CLN6: variants seen among roughly 807,000 people sequenced by gnomAD.
The protein encoded by CLN6 is CLN6 transmembrane ER protein, also known as ceroid-lipofuscinosis neuronal protein 6.
CLN6 carries 22 observed loss-of-function variants against 33.3 expected under a neutral mutation model. The ratio of observed to expected loss-of-function variants is 0.66; its 90% CI spans 0.47 to 0.94. CLN6 has a LOEUF of 0.94. Ranked by LOEUF, CLN6 falls within the 40% of genes least tolerant of loss-of-function variation. CLN6 has a pLI of 0.00. For missense variants in CLN6, 387 were observed against 417.1 expected (o/e 0.93, Z 0.63); for synonymous variants, 201 against 174.6 (o/e 1.15, Z -1.19).
Position 68,256,562 on chromosome 15 carries a change from ACT to A in CLN6, c.179+126_179+127del. ...GTATCACAGTATTTGTTATTACAAT[ACT>A]CTCTTTGGGATCCCCACACACGTGG... is the stretch of plus-strand genomic sequence containing the variant. On this transcript the variant is annotated intron_variant, in intron 1 of 6. Transcript: ENST00000538696. The surrounding 1 kb of genome is among the most constrained non-coding windows in gnomAD (Gnocchi z 4.1). 1 of 529,358 alleles carries A rather than the reference ACT, an allele frequency of 1.9e-6. No individual in the cohort carries two copies. Among genetic ancestry groups the A allele is most frequent in the East Asian group, 3.0e-5 (1 of 33,872 alleles). The allele number at this position is 529,358 out of a possible 1,614,324, so 32.8% of individuals were successfully genotyped here. A position where few individuals can be genotyped will look rare whatever the true frequency, so the allele number is the denominator to read the frequency against.
At position 68,219,536 on chromosome 15, in the gene CLN6, C is replaced by G. The variant is rs748420848; in HGVS notation, c.84-886G>C. ...TAAACAGTTGGTCATCTGCTGTTCA[C>G]AGATGCACTGAAGTTCCAGGACCAG... On this transcript the variant is annotated intron_variant, in intron 1 of 6. Coordinates refer to ENST00000249806, the MANE Select transcript of CLN6 (RefSeq NM_017882.3). The surrounding 1 kb of genome is among the most constrained non-coding windows in gnomAD (Gnocchi z 4.2). Among the ~76,000 whole-genome samples the G allele has an allele frequency of 6.6e-6, 1 of 152,196 alleles. No homozygotes were observed. Among genetic ancestry groups the G allele is most frequent in the Non-Finnish European group, 1.5e-5 (1 of 68,044 alleles).
rs1892442785 is a variant in CLN6, at chr15:68,256,831, CCT to C, written c.36_37del (p.Gly13GlnfsTer12). ...TCCCAGTGTCTCTGGCCGGGGCCTGCCTCTCGCTCGCCGCTCCTTCCCGGCAA... is the reference window on the plus strand; with the variant it reads ...TCCCAGTGTCTCTGGCCGGGGCCTGCCTCGCTCGCCGCTCCTTCCCGGCAA... On this transcript the variant is annotated frameshift_variant, in exon 1 of 7. Transcript: ENST00000538696. LOFTEE classifies it high-confidence loss of function. This position sits in a 1 kb window ranked among gnomAD's most constrained non-coding sequence, Gnocchi z 4.1. 1 of 700,652 alleles carries C rather than the reference CCT, an allele frequency of 1.4e-6. No homozygotes were observed. Among genetic ancestry groups the C allele is most frequent in the Non-Finnish European group, 2.6e-6 (1 of 383,788 alleles). The allele number at this position is 700,652 out of a possible 1,614,324, so 43.4% of individuals were successfully genotyped here.
chr15:68,208,553 T>C lies in CLN6; in HGVS notation c.666-143A>G. 1.2e-6 allele frequency: 1 copy of C among 813,968 alleles called. No individual in the cohort carries two copies. The highest frequency in any genetic ancestry group is 2.0e-6 in the Non-Finnish European group (1 of 498,780). The allele number at this position is 813,968 out of a possible 1,614,324, so 50.4% of individuals were successfully genotyped here. On this transcript the variant is annotated intron_variant, in intron 6 of 6. Coordinates refer to ENST00000249806, the MANE Select transcript of CLN6 (RefSeq NM_017882.3). The surrounding 1 kb of genome is among the most constrained non-coding windows in gnomAD (Gnocchi z 5.8). ...CAGGGCTCAGAGAACTATGCCGCTC[T>C]AAGCCACAGCCCATGGGCAGCATAT...
At chr15:68,213,551 T>TA (rs1217957984) in intron 3 of CLN6, 1 of 151,564 alleles carries the variant, frequency 6.6e-6, no homozygotes, top group Non-Finnish European at 1.5e-5. Flanking sequence ...CAATTTTTTC[T>TA]ATTTTTAATG....
In CLN6 at chr15:68,229,208, G is replaced by A. The variant is rs142865838; in HGVS notation, c.83+294C>T. Among the ~76,000 whole-genome samples, 88 of 152,302 alleles carry A rather than the reference G, an allele frequency of 5.8e-4. 2 individuals carry two copies. The East Asian group carries it at 0.013, about 22-fold the overall frequency. ...TGTCCCGGCGCCAGCCCGGGTCGCTGGAACGCGGGAAGGGAGGAAAACCCC... is the reference window on the plus strand; with the variant it reads ...TGTCCCGGCGCCAGCCCGGGTCGCTAGAACGCGGGAAGGGAGGAAAACCCC... On this transcript the variant is annotated intron_variant, in intron 1 of 6. Transcript: ENST00000249806.
At chr15:68,226,774 T>C (rs561274548) in intron 1 of CLN6, among the ~76,000 whole-genome samples, 5 of 152,056 alleles carry the variant, frequency 3.3e-5, no homozygotes, top group African/African-American at 1.2e-4. Flanking sequence ...CAGTAGATCG[T>C]ATCTCAAGGG....
In CLN6 at chr15:68,208,461, C is replaced by T; in HGVS notation, c.666-51G>A. 1 of 1,604,784 alleles carries T rather than the reference C, an allele frequency of 6.2e-7. No individual in the cohort carries two copies. The highest frequency in any genetic ancestry group is 8.5e-7 in the Non-Finnish European group (1 of 1,176,196). On this transcript the variant is annotated intron_variant, in intron 6 of 6. Coordinates refer to ENST00000249806, the MANE Select transcript of CLN6 (RefSeq NM_017882.3). This position sits in a 1 kb window ranked among gnomAD's most constrained non-coding sequence, Gnocchi z 5.8. ...CAGCTGCCGTGGCAACCCCGTCCTG[C>T]CTGGCATCCCTTCCTGTGTGCGAGA... is the stretch of plus-strand genomic sequence containing the variant.
rs980908612 is a variant in CLN6, at chr15:68,228,298, A to T, written c.83+1204T>A. On this transcript the variant is annotated intron_variant, in intron 1 of 6. Transcript: ENST00000249806. This position sits in a 1 kb window ranked among gnomAD's most constrained non-coding sequence, Gnocchi z 4.4. Reference sequence around the variant, plus strand: ...AGGTCGTACCAAAAACTTCCTAACAAGGACTTTGCGCATGCTAGTGCTCAG... The same window carrying T: ...AGGTCGTACCAAAAACTTCCTAACATGGACTTTGCGCATGCTAGTGCTCAG... 2.0e-5 allele frequency among the ~76,000 whole-genome samples: 3 copies of T among 152,104 alleles called. No individual in the cohort carries two copies. The highest frequency in any genetic ancestry group is 4.4e-5 in the Non-Finnish European group (3 of 68,022).
chr15:68,245,683 T>G (rs1367472060), intron 1 of CLN6, among the ~76,000 whole-genome samples: 1 of 152,150 alleles, frequency 6.6e-6, no homozygotes, highest in Non-Finnish European at 1.5e-5. Flanking sequence ...ATGTTATTAT[T>G]AAGTTTAATT....
upstream of CLN6, among the ~76,000 whole-genome samples, chr15:68,233,301 G>A (rs193000412): frequency 1.8e-4 from 28 of 151,596 alleles, no homozygotes; most frequent in East Asian, 3.9e-3. The surrounding 1 kb of genome is among the most constrained non-coding windows in gnomAD (Gnocchi z 4.3). Context: ...AAACACCTAC[G>A]GGGGGGTGGG....
rs181778963 is a variant in CLN6 at position 68,227,496 on chromosome 15, C to T, written c.83+2006G>A. ...GGATGATTCTGCCTACTCTCTTGAG[C>T]AGCAATGATACTGGGAATGGGCTGA... is the stretch of plus-strand genomic sequence containing the variant. On this transcript the variant is annotated intron_variant, in intron 1 of 6. Transcript: ENST00000249806. The surrounding 1 kb of genome is among the most constrained non-coding windows in gnomAD (Gnocchi z 4.1). Among the ~76,000 whole-genome samples the T allele has an allele frequency of 2.0e-5, 3 of 152,286 alleles. No homozygotes were observed. The highest frequency in any genetic ancestry group is 4.4e-5 in the Non-Finnish European group (3 of 68,016).
chr15:68,232,382 C>T (rs1296600031), upstream of CLN6, among the ~76,000 whole-genome samples: 1 of 152,142 alleles, frequency 6.6e-6, no homozygotes, highest in Admixed American at 6.5e-5. The surrounding 1 kb of genome is among the most constrained non-coding windows in gnomAD (Gnocchi z 4.7). Context: ...TGGTCTTGAT[C>T]TACTGACCTT....
Position 68,208,097 on chromosome 15 carries a change from C to CCCCCA in CLN6, c.*42_*43insTGGGG. 23 of 1,320,480 alleles carry CCCCCA rather than the reference C, an allele frequency of 1.7e-5. No homozygotes were observed. Among genetic ancestry groups the CCCCCA allele is most frequent in the Non-Finnish European group, 2.3e-5 (22 of 940,812 alleles). The allele number at this position is 1,320,480 out of a possible 1,614,324, so 81.8% of individuals were successfully genotyped here. A position where few individuals can be genotyped will look rare whatever the true frequency, so the allele number is the denominator to read the frequency against. On this transcript the variant is annotated 3_prime_UTR_variant, in exon 7 of 7. Transcript: ENST00000249806. This position sits in a 1 kb window ranked among gnomAD's most constrained non-coding sequence, Gnocchi z 5.8. ...CTGTATTCAGATGCCCTCCATGGCC[C>CCCCCA]ACCCTCCCACCCAGCAGAGCGCCAG...
rs887180304 is a variant in CLN6 at position 68,211,451 on chromosome 15, G to A, written c.487-133C>T. ...TCCCCCACTGCCTTATTCCCTACCCGGGGCCTCGCCTTCTGTTACAGGGGC... is the reference window on the plus strand; with the variant it reads ...TCCCCCACTGCCTTATTCCCTACCCAGGGCCTCGCCTTCTGTTACAGGGGC... On this transcript the variant is annotated intron_variant, in intron 4 of 6. Coordinates refer to ENST00000249806, the MANE Select transcript of CLN6 (RefSeq NM_017882.3). The surrounding 1 kb of genome is among the most constrained non-coding windows in gnomAD (Gnocchi z 5.9). The A allele has an allele frequency of 9.9e-6, 15 of 1,521,234 alleles. No homozygotes were observed. The highest frequency in any genetic ancestry group is 1.4e-5 in the African/African-American group (1 of 73,022). 94.2% of individuals were successfully genotyped at this position (1,521,234 alleles called of 1,614,324 possible).
Position 68,211,747 on chromosome 15 carries a change from G to A in CLN6, c.414C>T (p.Leu138=), listed in dbSNP as rs2093206040. 6.2e-7 allele frequency: 1 copy of A among 1,614,032 alleles called. No homozygotes were observed. The highest frequency in any genetic ancestry group is 2.2e-5 in the East Asian group (1 of 44,868). The change falls in exon 4 of 7, where the codon CTC becomes CTT. Residue 138 remains leucine (L), a synonymous_variant. Coordinates refer to ENST00000249806, the MANE Select transcript of CLN6 (RefSeq NM_017882.3). The surrounding 1 kb of genome is among the most constrained non-coding windows in gnomAD (Gnocchi z 5.9). ...LVGDSVNHRL[L]FSGYQHHLSV... is the part of the protein sequence containing the mutation. ...ACAGGTGGTGCTGGTAGCCACTGAAGAGCAGGCGGTGGTTGACAGAGTCAC... is the reference window on the plus strand; with the variant it reads ...ACAGGTGGTGCTGGTAGCCACTGAAAAGCAGGCGGTGGTTGACAGAGTCAC...
In CLN6 at chr15:68,229,702, A is replaced by G; in HGVS notation, c.-118T>C. 1.3e-6 allele frequency: 1 copy of G among 745,120 alleles called. No homozygotes were observed. The highest frequency in any genetic ancestry group is 1.9e-6 in the Non-Finnish European group (1 of 539,234). 46.2% of individuals were successfully genotyped at this position (745,120 alleles called of 1,614,324 possible). A position where few individuals can be genotyped will look rare whatever the true frequency, so the allele number is the denominator to read the frequency against. On this transcript the variant is annotated 5_prime_UTR_variant, in exon 1 of 7. Transcript: ENST00000249806. ...CGGGGCGGTTCGGGGCGGGCCGGCG[A>G]GAGCGCGCGGCCCTCGGGAGGAACA...
chr15:68,214,132 G>A lies in CLN6; in HGVS notation c.297+158C>T, dbSNP rs11638475. ...GGCCACCGGCAGCTCCGCCTTCCCC[G>A]GGCCCCAGGCCCTGGACATGCTGCT... is the stretch of plus-strand genomic sequence containing the variant. On this transcript the variant is annotated intron_variant, in intron 3 of 6. Coordinates refer to ENST00000249806, the MANE Select transcript of CLN6 (RefSeq NM_017882.3). The A allele has an allele frequency of 0.024, 15,125 of 634,920 alleles. 250 individuals are homozygous for A. Among genetic ancestry groups the A allele is most frequent in the Non-Finnish European group, 0.029 (10,160 of 349,832 alleles). 39.3% of individuals were successfully genotyped at this position (634,920 alleles called of 1,614,324 possible).
Position 68,209,655 on chromosome 15 carries a change from G to A in CLN6, c.647C>T (p.Pro216Leu). The A allele has an allele frequency of 6.2e-7, 1 of 1,613,212 alleles. No individual in the cohort carries two copies. Among genetic ancestry groups the A allele is most frequent in the Non-Finnish European group, 8.5e-7 (1 of 1,179,930 alleles). The change falls in exon 6 of 7, where the codon CCC becomes CTC. Residue 216 changes from proline to leucine, a missense_variant. By Grantham distance (98) the Pro-to-Leu change is moderately conservative. Coordinates refer to ENST00000249806, the MANE Select transcript of CLN6 (RefSeq NM_017882.3). The surrounding 1 kb of genome is among the most constrained non-coding windows in gnomAD (Gnocchi z 4.9). Reference protein sequence around the residue: ...IPGPALLLVAPSGLYYWYLVT... With the variant: ...IPGPALLLVALSGLYYWYLVT... ...CACTCACCAGTAGTACAGGCCACTG[G>A]GTGCCACCAGGAGCAGGGCAGGCCC...
In CLN6 at chr15:68,211,914, G is replaced by A. The variant is rs1595818438; in HGVS notation, c.298-51C>T. On this transcript the variant is annotated intron_variant, in intron 3 of 6. Coordinates refer to ENST00000249806, the MANE Select transcript of CLN6 (RefSeq NM_017882.3). The surrounding 1 kb of genome is among the most constrained non-coding windows in gnomAD (Gnocchi z 5.9). ...CATGACCCCACCTCTGTCACAGTAT[G>A]TGACACCCTCTGCTTCCCCCCTCAC... 1.3e-6 allele frequency: 2 copies of A among 1,575,882 alleles called. No homozygotes were observed. Among genetic ancestry groups the A allele is most frequent in the East Asian group, 4.5e-5 (2 of 44,576 alleles).
Sources: allele counts gnomAD v4.1 joint callset (sites outside exome capture counted in the v4.1 genomes callset), GRCh38; gene constraint gnomAD v4.1.1; non-coding constraint Gnocchi (gnomAD v3.1); transcripts MANE v1.5; gene names NCBI Gene and HGNC (gene_info 2026-07-23, HGNC 2026-07-21).